SPCS2: variants seen among roughly 807,000 people sequenced by gnomAD.
SPCS2 encodes the protein SPase 25 kDa subunit.
In SPCS2, 3 loss-of-function variants were observed where a neutral mutation model predicts 22.3. That is an observed-to-expected ratio of 0.13 (90% CI 0.06 to 0.35). The LOEUF (loss-of-function observed/expected upper bound fraction) is 0.35, where lower values mean the gene tolerates loss of function less well. SPCS2 is among the 10% of genes least tolerant of loss of function. The pLI is 1.00. For missense variants in SPCS2, 169 were observed against 280.9 expected, an observed-to-expected ratio of 0.60 and a Z score of 2.85; for synonymous variants, 67 against 97.2, an observed-to-expected ratio of 0.69 and a Z score of 1.83.
At chr11:74,957,525 C>G (rs1948487020) in intron 1 of SPCS2, among the ~76,000 whole-genome samples, 1 of 152,206 alleles carries the variant, frequency 6.6e-6, no homozygotes, top group Non-Finnish European at 1.5e-5. Context: ...ACATTCCTAG[C>G]CAGTCTTCGT....
Position 74,977,124 on chromosome 11 carries a change from A to C in SPCS2, c.*81A>C. 9.4e-7 allele frequency: 1 copy of C among 1,064,260 alleles called. No individual in the cohort carries two copies. The allele number at this position is 1,064,260 out of a possible 1,614,324, so 65.9% of individuals were successfully genotyped here. On this transcript the variant is annotated 3_prime_UTR_variant, in exon 5 of 5. Transcript: ENST00000263672. ...GGGTGGGGGAGATAAAAAGAACTTA[A>C]AATGGGTAAAGTAAGAAATGTTAAA...
At chr11:74,972,961 C>T (rs1315544077) in intron 4 of SPCS2, among the ~76,000 whole-genome samples, 2 of 151,224 alleles carry the variant, frequency 1.3e-5, no homozygotes, top group Admixed American at 1.3e-4. Flanking sequence ...AGTAAACTAC[C>T]GCAAGAACAA....
Position 74,960,296 on chromosome 11 carries a change from C to T in SPCS2, c.115-4738C>T, listed in dbSNP as rs958146410. On this transcript the variant is annotated intron_variant, in intron 1 of 4. Coordinates refer to ENST00000263672, the MANE Select transcript of SPCS2 (RefSeq NM_014752.3). ...ACAGTGAGCTGAGATCGCGCCACTG[C>T]GCTCAGCCTGGGTGACAGAGTAAGA... Among the ~76,000 whole-genome samples, 10 of 152,238 alleles carry T rather than the reference C, an allele frequency of 6.6e-5. No individual in the cohort carries two copies. In the East Asian group the frequency reaches 1.9e-3, roughly 29 times the overall value.
chr11:74,955,864 AT>A (rs1948475759), intron 1 of SPCS2, among the ~76,000 whole-genome samples: 1 of 94,142 alleles, frequency 1.1e-5, no homozygotes, highest in South Asian at 2.9e-4. Context: ...ATATATATAT[AT>A]ATATATATAT....
chr11:74,958,230 A>G (rs1948490750), intron 1 of SPCS2, among the ~76,000 whole-genome samples: 1 of 152,254 alleles, frequency 6.6e-6, no homozygotes, highest in South Asian at 2.1e-4. Context: ...TCATAATTTA[A>G]TTAACACATG....
intron 1 of SPCS2, among the ~76,000 whole-genome samples, chr11:74,951,511 G>A (rs1166357105): frequency 6.6e-6 from 1 of 152,004 alleles, no homozygotes; most frequent in African/African-American, 2.4e-5. Flanking sequence ...CGAGCTTATT[G>A]ATAAGAGTAA....
chr11:74,964,995 C>G (rs1329068508), intron 1 of SPCS2, 39 bp from the exon 2 acceptor site: 5 of 1,404,558 alleles, frequency 3.6e-6, no homozygotes, highest in Non-Finnish European at 4.9e-6. Context: ...AGTAAGAGGC[C>G]AGGTTTCTTG....
At chr11:74,950,292 A>C (rs1163834852) in intron 1 of SPCS2, among the ~76,000 whole-genome samples, 1 of 152,184 alleles carries the variant, frequency 6.6e-6, no homozygotes, top group Non-Finnish European at 1.5e-5. Flanking sequence ...ATTTAGCCTT[A>C]AAATGAGGGA....
chr11:74,965,015 T>G lies in SPCS2; in HGVS notation c.115-19T>G. 2.0e-6 allele frequency: 3 copies of G among 1,535,472 alleles called. No individual in the cohort carries two copies. The highest frequency in any genetic ancestry group is 2.6e-6 in the Non-Finnish European group (3 of 1,136,778). On this transcript the variant is annotated intron_variant, in intron 1 of 4. Transcript: ENST00000263672. ...GAGGCCAGGTTTCTTGATGCACAAC[T>G]TTTTTGTTTGTTTTACAGTGGAAGA...
chr11:74,964,460 T>C (rs371404373), intron 1 of SPCS2, among the ~76,000 whole-genome samples: 5 of 152,236 alleles, frequency 3.3e-5, no homozygotes, highest in African/African-American at 1.2e-4. Context: ...CAGGCTATCC[T>C]GGAATTGCTA....
At chr11:74,974,639 G>C (rs1374267299) in intron 4 of SPCS2, among the ~76,000 whole-genome samples, 2 of 152,078 alleles carry the variant, frequency 1.3e-5, no homozygotes, top group Non-Finnish European at 2.9e-5. Flanking sequence ...TTTTGAGACA[G>C]AGTCTCACAC....
At chr11:74,968,518 G>GTTT (rs60284428) in intron 3 of SPCS2, among the ~76,000 whole-genome samples, 2 of 120,224 alleles carry the variant, frequency 1.7e-5, no homozygotes, top group African/African-American at 3.0e-5. Context: ...GGTTTTTTTT[G>GTTT]TTTTTTTTTT....
rs1555115685 is a variant in SPCS2 at position 74,955,865 on chromosome 11, T to TATATATAC, written c.114+6473_114+6474insCATATATA. On this transcript the variant is annotated intron_variant, in intron 1 of 4. Coordinates refer to ENST00000263672, the MANE Select transcript of SPCS2 (RefSeq NM_014752.3). Reference sequence around the variant, plus strand: ...TTACTAATTAAAATATATATATATATATATATATATATATATATATATCTG... The same window carrying TATATATAC: ...TTACTAATTAAAATATATATATATATATATATACATATATATATATATATATATATCTG... Among the ~76,000 whole-genome samples, 2 of 100,886 alleles carry TATATATAC rather than the reference T, an allele frequency of 2.0e-5. 1 individual carries two copies. The highest frequency in any genetic ancestry group is 3.8e-5 in the Non-Finnish European group (2 of 52,374). The allele number at this position is 100,886 out of a possible 152,430, so 66.2% of individuals were successfully genotyped here. A position where few individuals can be genotyped will look rare whatever the true frequency, so the allele number is the denominator to read the frequency against.
intron 4 of SPCS2, among the ~76,000 whole-genome samples, chr11:74,973,546 A>G (rs1948598897): frequency 6.6e-6 from 1 of 151,996 alleles, no homozygotes; most frequent in African/African-American, 2.4e-5. Context: ...CACCCTGACC[A>G]TTGCTTCCTG....
At chr11:74,956,845 C>A (rs1948481964) in intron 1 of SPCS2, among the ~76,000 whole-genome samples, 1 of 151,994 alleles carries the variant, frequency 6.6e-6, no homozygotes, top group Non-Finnish European at 1.5e-5. Flanking sequence ...ACTCTGGAAA[C>A]CCTGGCTTTT....
At chr11:74,953,300 C>T (rs1389517646) in intron 1 of SPCS2, among the ~76,000 whole-genome samples, 1 of 151,714 alleles carries the variant, frequency 6.6e-6, no homozygotes, top group Admixed American at 6.6e-5. Flanking sequence ...TCAAACAATT[C>T]TCCTGCCTCA....
intron 4 of SPCS2, among the ~76,000 whole-genome samples, chr11:74,974,576 A>G (rs929490993): frequency 2.0e-5 from 3 of 152,112 alleles, no homozygotes; most frequent in East Asian, 1.9e-4. Context: ...CTCCACAGCT[A>G]CCATCCTCTC....
intron 1 of SPCS2, among the ~76,000 whole-genome samples, chr11:74,964,051 C>T (rs1948530274): frequency 1.3e-5 from 2 of 152,196 alleles, no homozygotes; most frequent in Admixed American, 1.3e-4. Flanking sequence ...TCTTACTCCT[C>T]CCCGTATTTC....
intron 1 of SPCS2, among the ~76,000 whole-genome samples, chr11:74,963,161 A>C (rs950497565): frequency 1.3e-5 from 2 of 152,214 alleles, no homozygotes; most frequent in African/African-American, 4.8e-5. Context: ...AGTGTAAATG[A>C]GCTATCTAGC....
Sources: gnomAD v4.1 joint callset for allele counts (sites outside exome capture counted in the v4.1 genomes callset) on GRCh38, gnomAD v4.1.1 for gene constraint, MANE v1.5 for transcripts, NCBI Gene and HGNC (gene_info 2026-07-23, HGNC 2026-07-21) for gene names.